The following CPM variants were observed in gnomAD, a reference collection of about 807,000 sequenced individuals.
CPM encodes carboxypeptidase M, also known as renal carboxypeptidase.
Under a neutral mutation model 46.4 loss-of-function variants are expected in CPM, and 35 were observed. That is an observed-to-expected ratio of 0.75 (90% confidence interval 0.58 to 1.00). The LOEUF (loss-of-function observed/expected upper bound fraction) is 1.00, where lower values mean the gene tolerates loss of function less well. Ranked by LOEUF, CPM falls within the 50% of genes least tolerant of loss-of-function variation. CPM has a pLI of 0.00. For synonymous variants in CPM, 195 were observed against 195.3 expected (o/e 1.00, Z 0.01); for missense variants, 422 against 530.4 (o/e 0.80, Z 2.01).
rs1565759599 is a variant in CPM, at chr12:68,851,948, A to T, written c.*4489T>A. 1 of 152,232 alleles carries T rather than the reference A, an allele frequency of 6.6e-6. No homozygotes were observed. Among genetic ancestry groups the T allele is most frequent in the South Asian group, 2.1e-4 (1 of 4,832 alleles). The allele number at this position is 152,232 out of a possible 1,614,324, so 9.4% of individuals were successfully genotyped here. ...TGTTACCATATAGAATAACAACCAGACTTCTCAATAAGCAACTTATCTATT... is the reference window on the plus strand; with the variant it reads ...TGTTACCATATAGAATAACAACCAGTCTTCTCAATAAGCAACTTATCTATT... On this transcript the variant is annotated 3_prime_UTR_variant, in exon 9 of 9. Coordinates refer to ENST00000551568, the MANE Select transcript of CPM (RefSeq NM_198320.5).
chr12:68,926,716 C>T (rs1413375983), intron 2 of CPM, among the ~76,000 whole-genome samples: 1 of 152,090 alleles, frequency 6.6e-6, no homozygotes, highest in East Asian at 1.9e-4. Flanking sequence ...TCCCCGCTCC[C>T]CCAACCCCAC....
chr12:68,932,776 T>C lies in CPM; in HGVS notation c.62A>G (p.Asn21Ser), dbSNP rs1401508985. 3.7e-6 allele frequency: 6 copies of C among 1,614,124 alleles called. No homozygotes were observed. Among genetic ancestry groups the C allele is most frequent in the Admixed American group, 1.7e-5 (1 of 60,020 alleles). ...TTCCATCCCTTCCTGGCGGTGGTAG[T>C]TGAAATCCAGCGCAGCTACCAAAGG... ...LLPLVAALDF[N>S]YHRQEGMEAF... is the part of the protein sequence containing the mutation. The change falls in exon 2 of 9, where the codon AAC becomes AGC. Residue 21 changes from asparagine (N) to serine (S), a missense_variant. Asn to Ser is a conservative substitution (Grantham distance 46). Coordinates refer to ENST00000551568, the MANE Select transcript of CPM (RefSeq NM_198320.5).
chr12:68,927,952 A>G (rs1297547514), intron 2 of CPM, among the ~76,000 whole-genome samples: 1 of 152,178 alleles, frequency 6.6e-6, no homozygotes, highest in Admixed American at 6.5e-5. Context: ...TGCCCAAGGT[A>G]ATTTATAGAT....
intron 1 of CPM, among the ~76,000 whole-genome samples, chr12:68,957,041 G>T (rs968847358): frequency 1.3e-5 from 2 of 152,054 alleles, no homozygotes; most frequent in South Asian, 2.1e-4. Flanking sequence ...CTGCCCTGAC[G>T]CCATCACCAG....
upstream of CPM, among the ~76,000 whole-genome samples, chr12:68,935,089 T>C (rs894389818): frequency 1.3e-5 from 2 of 152,146 alleles, no homozygotes; most frequent in African/African-American, 4.8e-5. Context: ...TTTGTATTTT[T>C]AGTAGAGACG....
At chr12:68,957,487 A>G in intron 1 of CPM, 2 of 256,506 alleles carry the variant, frequency 7.8e-6, no homozygotes, top group South Asian at 1.1e-4. Flanking sequence ...CAGTTGAGAA[A>G]TACAGCTCCA....
upstream of CPM, among the ~76,000 whole-genome samples, chr12:68,937,754 TTTAA>T (rs2136328674): frequency 6.6e-6 from 1 of 152,344 alleles, no homozygotes; most frequent in Non-Finnish European, 1.5e-5. Flanking sequence ...GTTGCAATGT[TTTAA>T]TTTTCTTTTT....
At chr12:68,934,468 G>A (rs1359751335), upstream of CPM, among the ~76,000 whole-genome samples, 1 of 152,152 alleles carries the variant, frequency 6.6e-6, no homozygotes, top group Non-Finnish European at 1.5e-5. Context: ...CAGTGATTCT[G>A]CCGCAGCATA....
intron 2 of CPM, among the ~76,000 whole-genome samples, chr12:68,910,387 A>G (rs971345890): frequency 2.0e-5 from 3 of 152,222 alleles, no homozygotes; most frequent in African/African-American, 7.2e-5. Context: ...ACGTGTGTAT[A>G]CAGCATATGG....
intron 5 of CPM, chr12:68,845,420 C>A: frequency 4.8e-6 from 1 of 207,616 alleles, no homozygotes; most frequent in East Asian, 7.4e-5. Context: ...AAAATAAAAC[C>A]GTAAAGCAAG....
intron 5 of CPM, chr12:68,844,004 G>A (rs1884043619): frequency 4.8e-6 from 1 of 207,392 alleles, no homozygotes; most frequent in Admixed American, 5.9e-5. Context: ...TTTCTGAGGA[G>A]TATCGGTAGC....
chr12:68,956,734 T>G (rs73148630), intron 1 of CPM, among the ~76,000 whole-genome samples: 1 of 152,142 alleles, frequency 6.6e-6, no homozygotes, highest in Non-Finnish European at 1.5e-5. Context: ...CTTCCGTGTT[T>G]TTTCAGAGCA....
At chr12:68,961,720 C>A (rs1889115013) in intron 1 of CPM, among the ~76,000 whole-genome samples, 1 of 150,958 alleles carries the variant, frequency 6.6e-6, no homozygotes, top group East Asian at 2.0e-4. Context: ...TCGAGACCAG[C>A]CTGGCCAACA....
chr12:68,922,384 G>A (rs1888073163), intron 2 of CPM, among the ~76,000 whole-genome samples: 1 of 152,166 alleles, frequency 6.6e-6, no homozygotes, highest in African/African-American at 2.4e-5. Flanking sequence ...TCACGGATTT[G>A]CATCAGAATA....
chr12:68,892,742 C>T lies in CPM; in HGVS notation c.161-6853G>A, dbSNP rs149133676. On this transcript the variant is annotated intron_variant, in intron 2 of 8. Transcript: ENST00000551568. ...GGCGTGGTGGTACATGCCTGTAATCCCAGCTATTCGGGAGGCTGAGGCTGA... is the reference window on the plus strand; with the variant it reads ...GGCGTGGTGGTACATGCCTGTAATCTCAGCTATTCGGGAGGCTGAGGCTGA... Among the ~76,000 whole-genome samples, 89 of 152,164 alleles carry T rather than the reference C, an allele frequency of 5.8e-4. 1 individual carries two copies. Among genetic ancestry groups the T allele is most frequent in the Non-Finnish European group, 1.1e-3 (75 of 68,018 alleles).
intron 2 of CPM, among the ~76,000 whole-genome samples, chr12:68,899,523 T>C (rs1406003888): frequency 6.6e-6 from 1 of 152,242 alleles, no homozygotes; most frequent in African/African-American, 2.4e-5. Flanking sequence ...GAAAGCATGT[T>C]AAGAATTTCC....
At position 68,944,505 on chromosome 12, in the gene CPM, G is replaced by A. The variant is rs143702547; in HGVS notation, c.-3-11665C>T. Among the ~76,000 whole-genome samples, 16 of 152,274 alleles carry A rather than the reference G, an allele frequency of 1.1e-4. 1 individual carries two copies. The East Asian group carries it at 3.1e-3, about 29-fold the overall frequency. ...TGAAGCCTTGAACTTCTGGGCTTAA[G>A]CAATCCTCCCATCTCAGCCTTCTGA... is the stretch of plus-strand genomic sequence containing the variant. On this transcript the variant is annotated intron_variant, in intron 1 of 8. Coordinates refer to the CPM transcript ENST00000546373.
At chr12:68,883,849 C>T (rs1270981021) in intron 3 of CPM, among the ~76,000 whole-genome samples, 2 of 151,324 alleles carry the variant, frequency 1.3e-5, no homozygotes, top group African/African-American at 2.4e-5. Context: ...AATCCCAGCA[C>T]TTTGGGAGGC....
intron 1 of CPM, among the ~76,000 whole-genome samples, chr12:68,955,832 G>A (rs1889007555): frequency 6.6e-6 from 1 of 152,162 alleles, no homozygotes; most frequent in African/African-American, 2.4e-5. Flanking sequence ...CTTTAGAGGG[G>A]AGAAAGTGTG....
Sources: gnomAD v4.1 joint callset for allele counts (sites outside exome capture counted in the v4.1 genomes callset) on GRCh38, gnomAD v4.1.1 for gene constraint, MANE v1.5 for transcripts, NCBI Gene and HGNC (gene_info 2026-07-23, HGNC 2026-07-21) for gene names.